PTK7: variants seen among roughly 807,000 people sequenced by gnomAD.
PTK7 encodes protein tyrosine kinase 7 (inactive), also known as inactive tyrosine-protein kinase 7.
A neutral mutation model predicts 116.6 loss-of-function variants in PTK7; 39 were observed. The observed-to-expected ratio is 0.33, with a 90% CI of 0.26 to 0.44. The LOEUF is 0.44. Among genes scored for constraint, PTK7 ranks in the 20% least tolerant of loss-of-function variants. PTK7 has a pLI of 1.00. For missense variants in PTK7, 1,169 were observed against 1,425.6 expected (o/e 0.82, Z 2.90); for synonymous variants, 546 against 563.6 (o/e 0.97, Z 0.44).
intron 1 of PTK7, among the ~76,000 whole-genome samples, chr6:43,091,311 C>A (rs866557226): frequency 8.5e-5 from 13 of 152,082 alleles, no homozygotes; most frequent in Middle Eastern, 3.2e-3. Flanking sequence ...CAGGCCCACA[C>A]CACCATGGCT....
intron 17 of PTK7, among the ~76,000 whole-genome samples, chr6:43,146,968 A>C (rs752429634): frequency 2.0e-5 from 3 of 152,222 alleles, no homozygotes; most frequent in Non-Finnish European, 2.9e-5. Flanking sequence ...CTTCACGGAG[A>C]AGAGCTACCC....
intron 1 of PTK7, among the ~76,000 whole-genome samples, chr6:43,083,473 G>C (rs185791949): frequency 1.3e-5 from 2 of 152,380 alleles, no homozygotes; most frequent in East Asian, 3.9e-4. Flanking sequence ...TGGCGCTTTG[G>C]TGGAGCTGGC....
rs542127218 is a variant in PTK7, at chr6:43,143,718, C to T, written c.2251+98C>T. On this transcript the variant is annotated intron_variant, in intron 14 of 19. Transcript: ENST00000230419. The surrounding 1 kb of genome is among the most constrained non-coding windows in gnomAD (Gnocchi z 4.2). Reference sequence around the variant, plus strand: ...GAGCGCCAGCACTCTGGAAACCGAGCGGCTGTTGCTGGGTCCTGGAGCTGG... The same window carrying T: ...GAGCGCCAGCACTCTGGAAACCGAGTGGCTGTTGCTGGGTCCTGGAGCTGG... The T allele has an allele frequency of 4.5e-6, 6 of 1,330,206 alleles. No homozygotes were observed. The highest frequency in any genetic ancestry group is 1.4e-5 in the South Asian group (1 of 73,426). 82.4% of individuals were successfully genotyped at this position (1,330,206 alleles called of 1,614,324 possible). A position where few individuals can be genotyped will look rare whatever the true frequency, so the allele number is the denominator to read the frequency against.
At position 43,128,963 on chromosome 6, in the gene PTK7, G is replaced by A. The variant is rs377566118; in HGVS notation, c.80-14G>A. On this transcript the variant is annotated splice_polypyrimidine_tract_variant and intron_variant, in intron 1 of 19. Coordinates refer to ENST00000230419, the MANE Select transcript of PTK7 (RefSeq NM_002821.5). ...CTCCCCCTGACCCTGCCTCTCCCCT[G>A]TTTGCATCTACAGGTACCCAGACAG... 5.7e-6 allele frequency: 9 copies of A among 1,591,802 alleles called. No homozygotes were observed. The African/African-American group carries it at 1.2e-4, about 21-fold the overall frequency.
intron 1 of PTK7, among the ~76,000 whole-genome samples, chr6:43,124,732 T>C (rs1769181929): frequency 6.6e-6 from 1 of 152,188 alleles, no homozygotes. Flanking sequence ...GCTGGGCAGA[T>C]GGCCAGGCTG....
chr6:43,130,273 G>A lies in PTK7; in HGVS notation c.514G>A (p.Gly172Ser). 6.2e-7 allele frequency: 1 copy of A among 1,606,140 alleles called. No individual in the cohort carries two copies. The highest frequency in any genetic ancestry group is 8.5e-7 in the Non-Finnish European group (1 of 1,174,466). The change falls in exon 4 of 20, where the codon GGT becomes AGT. Residue 172 changes from glycine (G) to serine (S), a missense_variant. Gly to Ser is a moderately conservative substitution (Grantham distance 56). This residue lies in a region of PTK7 where 487 missense variants were observed against 549.8 expected (regional missense o/e 0.89). Coordinates refer to ENST00000230419, the MANE Select transcript of PTK7 (RefSeq NM_002821.5). ...WFRDGTPLSD[G>S]QSNHTVSSKE... ...CCGAGATGGGACCCCCCTTTCTGAT[G>A]GTCAGAGCAACCACACAGTCAGCAG... is the stretch of plus-strand genomic sequence containing the variant.
At chr6:43,120,179 A>G in intron 1 of PTK7, among the ~76,000 whole-genome samples, 1 of 152,138 alleles carries the variant, frequency 6.6e-6, no homozygotes, top group East Asian at 1.9e-4. Flanking sequence ...ATAAATGTAG[A>G]TGTAGGACAA....
At chr6:43,137,638 T>C (rs1260110588) in intron 7 of PTK7, among the ~76,000 whole-genome samples, 3 of 152,138 alleles carry the variant, frequency 2.0e-5, no homozygotes, top group Non-Finnish European at 4.4e-5. Context: ...ACTGGATGAG[T>C]GAGTGTTGCT....
At chr6:43,159,056 G>A (rs1426134679) in intron 18 of PTK7, 88 bp downstream of exon 18, 1 of 1,526,008 alleles carries the variant, frequency 6.6e-7, no homozygotes, top group Non-Finnish European at 8.9e-7. Flanking sequence ...GTGTGGGAAA[G>A]GGTTTAGTGC....
At chr6:43,154,162 CTAAATAAATAAA>C (rs371217159) in intron 17 of PTK7, among the ~76,000 whole-genome samples, 20 of 150,048 alleles carry the variant, frequency 1.3e-4, no homozygotes, top group Admixed American at 1.3e-3. Context: ...GACTCAGTCT[CTAAATAAATAAA>C]TAAATAAATA....
intron 1 of PTK7, among the ~76,000 whole-genome samples, chr6:43,112,625 G>C (rs1177295895): frequency 6.6e-6 from 1 of 152,040 alleles, no homozygotes; most frequent in Non-Finnish European, 1.5e-5. Flanking sequence ...TGTTGGCCAG[G>C]CTGGTCTCAA....
In PTK7 at chr6:43,129,311, T is replaced by G. The variant is rs764836792; in HGVS notation, c.367+47T>G. The G allele has an allele frequency of 5.6e-6, 9 of 1,605,134 alleles. No homozygotes were observed. The highest frequency in any genetic ancestry group is 6.0e-6 in the Non-Finnish European group (7 of 1,173,532). On this transcript the variant is annotated intron_variant, in intron 2 of 19. Transcript: ENST00000230419. This position sits in a 1 kb window ranked among gnomAD's most constrained non-coding sequence, Gnocchi z 4.5. ...CCCAGTCCCCCTGTCAGACCCTCAA[T>G]GACTGAGGCCTGGGGGATCCCTCCC... is the stretch of plus-strand genomic sequence containing the variant.
chr6:43,087,392 CTT>C (rs1341672600), intron 1 of PTK7, among the ~76,000 whole-genome samples: 1 of 152,150 alleles, frequency 6.6e-6, no homozygotes, highest in African/African-American at 2.4e-5. Flanking sequence ...TTTCCTTTCT[CTT>C]GTTTCCTCTC....
intron 1 of PTK7, among the ~76,000 whole-genome samples, chr6:43,122,138 A>G (rs970951979): frequency 1.3e-5 from 2 of 152,134 alleles, no homozygotes; most frequent in African/African-American, 4.8e-5. Flanking sequence ...ATGAGACCCT[A>G]TTTCAAAAAG....
rs150194896 is a variant in PTK7, at chr6:43,160,430, A to G, written c.3053-291A>G. ...ACCACACCTGGCCGAAAATACTGCA[A>G]TACTTCTATATTGGTTGGTAAATAG... On this transcript the variant is annotated intron_variant, in intron 19 of 19. Coordinates refer to ENST00000230419, the MANE Select transcript of PTK7 (RefSeq NM_002821.5). Among the ~76,000 whole-genome samples the G allele has an allele frequency of 7.3e-3, 1,112 of 152,074 alleles. 9 individuals are homozygous for G. Among genetic ancestry groups the G allele is most frequent in the African/African-American group, 0.025 (1,054 of 41,468 alleles).
Position 43,145,139 on chromosome 6 carries a change from C to T in PTK7, c.2408-61C>T. ...TGTGGGAGAGGCTAGGCCCCTCCCC[C>T]AGGTCAGGAGCTGCCTCGGCCTGGG... On this transcript the variant is annotated intron_variant, in intron 15 of 19. Transcript: ENST00000230419. The surrounding 1 kb of genome is among the most constrained non-coding windows in gnomAD (Gnocchi z 4.8). The T allele has an allele frequency of 6.8e-7, 1 of 1,478,356 alleles. No homozygotes were observed. Among genetic ancestry groups the T allele is most frequent in the South Asian group, 1.3e-5 (1 of 76,628 alleles). 91.6% of individuals were successfully genotyped at this position (1,478,356 alleles called of 1,614,324 possible). A position where few individuals can be genotyped will look rare whatever the true frequency, so the allele number is the denominator to read the frequency against.
chr6:43,119,870 T>C (rs1268249382), intron 1 of PTK7, among the ~76,000 whole-genome samples: 1 of 152,136 alleles, frequency 6.6e-6, no homozygotes, highest in Non-Finnish European at 1.5e-5. Flanking sequence ...TGAGAACTTG[T>C]GGTTCCCCTT....
intron 17 of PTK7, among the ~76,000 whole-genome samples, chr6:43,147,516 C>T (rs560684261): frequency 6.6e-6 from 1 of 152,192 alleles, no homozygotes; most frequent in Non-Finnish European, 1.5e-5. Context: ...GAAGTGACCT[C>T]ATAAACCAAA....
chr6:43,078,964 T>G (rs1255376767), intron 1 of PTK7, among the ~76,000 whole-genome samples: 1 of 152,194 alleles, frequency 6.6e-6, no homozygotes, highest in Non-Finnish European at 1.5e-5. Context: ...GCCTAGGAGT[T>G]GCTTTTATTA....
Sources: allele counts gnomAD v4.1 joint callset (sites outside exome capture counted in the v4.1 genomes callset), GRCh38; gene constraint gnomAD v4.1.1; regional missense constraint gnomAD v4.1.1; non-coding constraint Gnocchi (gnomAD v3.1); transcripts MANE v1.5; gene names NCBI Gene and HGNC (gene_info 2026-07-23, HGNC 2026-07-21).